The following CYB5R3 variants were observed in gnomAD, a reference collection of about 807,000 sequenced individuals.
CYB5R3 encodes the protein cytochrome b5 reductase 3, also known as NADH-cytochrome b5 reductase 3.
A neutral mutation model predicts 36.5 loss-of-function variants in CYB5R3; 28 were observed. The ratio of observed to expected loss-of-function variants is 0.77; its 90% CI spans 0.57 to 1.05. The LOEUF (loss-of-function observed/expected upper bound fraction) is 1.05, where lower values mean the gene tolerates loss of function less well. CYB5R3 is among the 50% of genes least tolerant of loss of function. The probability of loss-of-function intolerance (pLI) is 0.00; values close to 1 mark genes in which losing one functional copy is unlikely to be tolerated. For missense variants in CYB5R3, 474 were observed against 408.9 expected, an observed-to-expected ratio of 1.16 and a Z score of -1.37; for synonymous variants, 181 against 159.8, an observed-to-expected ratio of 1.13 and a Z score of -1.00.
intron 1 of CYB5R3, among the ~76,000 whole-genome samples, chr22:42,641,965 C>G (rs145268170): frequency 8.5e-5 from 13 of 152,182 alleles, no homozygotes; most frequent in Non-Finnish European, 1.3e-4. Context: ...CCCTAACCCC[C>G]ATACCATTCA....
chr22:42,648,783 GCA>G (rs370624034), intron 1 of CYB5R3, among the ~76,000 whole-genome samples: 1 of 151,644 alleles, frequency 6.6e-6, no homozygotes, highest in Non-Finnish European at 1.5e-5. Flanking sequence ...TAGTGACATC[GCA>G]CACACACACA....
chr22:42,639,596 C>G (rs1018605427), intron 1 of CYB5R3, among the ~76,000 whole-genome samples: 86 of 151,566 alleles, frequency 5.7e-4, no homozygotes, highest in African/African-American at 2.0e-3. Flanking sequence ...CCACTGGACT[C>G]CAGCCTGGGT....
chr22:42,624,284 CA>C (rs1465473225), intron 7 of CYB5R3, among the ~76,000 whole-genome samples: 2 of 152,184 alleles, frequency 1.3e-5, no homozygotes, highest in Non-Finnish European at 2.9e-5. Context: ...GTAACACATA[CA>C]ATAAGCAATG....
At chr22:42,641,146 C>T (rs1417517904) in intron 1 of CYB5R3, among the ~76,000 whole-genome samples, 3 of 152,136 alleles carry the variant, frequency 2.0e-5, no homozygotes, top group South Asian at 2.1e-4. Context: ...TGAGCCACCA[C>T]GCCCGGCCCC....
Position 42,630,957 on chromosome 22 carries a change from A to C in CYB5R3, c.258T>G (p.Asp86Glu), listed in dbSNP as rs1928583460. 1.2e-6 allele frequency: 2 copies of C among 1,613,850 alleles called. No homozygotes were observed. The highest frequency in any genetic ancestry group is 2.7e-5 in the African/African-American group (2 of 74,906). ...GQHIYLSARI[D>E]GNLVVRPYTP... is the part of the protein sequence containing the mutation. Reference sequence around the variant, plus strand: ...TATAGGGCCGGACGACCAGGTTTCCATCAATTCGAGCCGAGAGGTAGATGT... The same window carrying C: ...TATAGGGCCGGACGACCAGGTTTCCCTCAATTCGAGCCGAGAGGTAGATGT... The change falls in exon 4 of 9, where the codon GAT (aspartate) becomes GAG (glutamate). Residue 86 changes from aspartate (D) to glutamate (E), a missense_variant. By Grantham distance (45) the Asp-to-Glu change is conservative. Transcript: ENST00000352397.
At chr22:42,624,640 G>A (rs1432598144) in intron 7 of CYB5R3, among the ~76,000 whole-genome samples, 3 of 138,178 alleles carry the variant, frequency 2.2e-5, no homozygotes, top group African/African-American at 8.3e-5. Context: ...ACAGGCTGCT[G>A]CCCAGCGTTT....
At chr22:42,629,453 G>A (rs1259414977) in intron 4 of CYB5R3, among the ~76,000 whole-genome samples, 1 of 152,182 alleles carries the variant, frequency 6.6e-6, no homozygotes, top group Non-Finnish European at 1.5e-5. Flanking sequence ...GGCCCTTCTG[G>A]AAGCTCGGTC....
chr22:42,619,696 T>C lies in CYB5R3; in HGVS notation c.*77A>G, dbSNP rs751835875. ...CTGAACCCGGGGCCCCAGTGTGCGA[T>C]GTGGGGAGGTGACTGGGTGAGCGTG... is the stretch of plus-strand genomic sequence containing the variant. On this transcript the variant is annotated 3_prime_UTR_variant, in exon 9 of 9. Coordinates refer to ENST00000352397, the MANE Select transcript of CYB5R3 (RefSeq NM_000398.7). 247 of 1,405,460 alleles carry C rather than the reference T, an allele frequency of 1.8e-4. No homozygotes were observed. The highest frequency in any genetic ancestry group is 2.2e-4 in the Non-Finnish European group (233 of 1,042,714). The allele number at this position is 1,405,460 out of a possible 1,614,324, so 87.1% of individuals were successfully genotyped here. A position where few individuals can be genotyped will look rare whatever the true frequency, so the allele number is the denominator to read the frequency against.
rs1928384821 is a variant in CYB5R3, at chr22:42,628,028, C to CA, written c.463+123dup. The CA allele has an allele frequency of 2.9e-6, 4 of 1,367,360 alleles. No homozygotes were observed. The Admixed American group carries it at 6.7e-5, about 23-fold the overall frequency. The allele number at this position is 1,367,360 out of a possible 1,614,324, so 84.7% of individuals were successfully genotyped here. On this transcript the variant is annotated intron_variant, in intron 5 of 8. Transcript: ENST00000352397. ...GGGAGACTCAGTTCCCAGAGAGGGA[C>CA]AGCTGGCCTGACGAGAGTCACCCAT...
At chr22:42,625,338 C>A (rs577865416) in intron 7 of CYB5R3, among the ~76,000 whole-genome samples, 64 of 152,144 alleles carry the variant, frequency 4.2e-4, no homozygotes, top group African/African-American at 1.5e-3. Flanking sequence ...GAAACCCCGT[C>A]TCTACTAAAA....
chr22:42,641,662 C>T (rs1159350732), intron 1 of CYB5R3, among the ~76,000 whole-genome samples: 1 of 152,008 alleles, frequency 6.6e-6, no homozygotes, highest in East Asian at 1.9e-4. Flanking sequence ...ATTTTTGTAT[C>T]ATTAGTAGAG....
chr22:42,639,577 G>A lies in CYB5R3; in HGVS notation c.22-2731C>T, dbSNP rs183513277. ...CAGGAGGCAGAGGTTGCAGTGAGCC[G>A]AGATCATGCCACTGGACTCCAGCCT... On this transcript the variant is annotated intron_variant, in intron 1 of 8. Transcript: ENST00000352397. Among the ~76,000 whole-genome samples, 83 of 151,706 alleles carry A rather than the reference G, an allele frequency of 5.5e-4. 1 individual carries two copies. The highest frequency in any genetic ancestry group is 1.7e-3 in the African/African-American group (70 of 41,372).
rs774242947 is a variant in CYB5R3, at chr22:42,631,422, C to T, written c.182G>A (p.Arg61His). 1.9e-5 allele frequency: 30 copies of T among 1,551,606 alleles called. No homozygotes were observed. Among genetic ancestry groups the T allele is most frequent in the African/African-American group, 4.1e-5 (3 of 73,168 alleles). Residue 61 changes from arginine (R) to histidine (H), a missense_variant, in exon 3 of 9, where the codon CGC becomes CAC. Arg to His is a conservative substitution (Grantham distance 29). Coordinates refer to ENST00000352397, the MANE Select transcript of CYB5R3 (RefSeq NM_000398.7). ...EIISHDTRRF[R>H]FALPSPQHIL... is the part of the protein sequence containing the mutation. ...GTGCTGGGGTGACGGCAGGGCAAAGCGGAAGCGCCGGGTGTCATGGCTGAT... is the reference window on the plus strand; with the variant it reads ...GTGCTGGGGTGACGGCAGGGCAAAGTGGAAGCGCCGGGTGTCATGGCTGAT...
chr22:42,627,517 C>CCA (rs1423182561), intron 6 of CYB5R3, 88 bp downstream of exon 6: 2 of 1,475,340 alleles, frequency 1.4e-6, no homozygotes, highest in Non-Finnish European at 1.9e-6. Context: ...CTGGTAGCTC[C>CCA]CAGGCACTCA....
At position 42,649,340 on chromosome 22, in the gene CYB5R3, TGTCGCCGCC is replaced by T; in HGVS notation, c.-34_-26del. 1.0e-6 allele frequency: 1 copy of T among 983,074 alleles called. No homozygotes were observed. Among genetic ancestry groups the T allele is most frequent in the South Asian group, 3.6e-5 (1 of 27,728 alleles). 60.9% of individuals were successfully genotyped at this position (983,074 alleles called of 1,614,324 possible). On this transcript the variant is annotated 5_prime_UTR_variant, in exon 1 of 9. Transcript: ENST00000352397. ...TGGTGGCCCCGCGCCGCGCTCGCTC[TGTCGCCGCC>T]GCCGCCGCCGCCGAGACCGTCGCGC...
intron 8 of CYB5R3, among the ~76,000 whole-genome samples, chr22:42,620,683 CT>C (rs1237852917): frequency 6.6e-6 from 1 of 152,298 alleles, no homozygotes. Flanking sequence ...ACAGCATACA[CT>C]CCACGCTGTG....
At position 42,623,972 on chromosome 22, in the gene CYB5R3, C is replaced by T. The variant is rs747136251; in HGVS notation, c.634-84G>A. The T allele has an allele frequency of 1.7e-3, 2,034 of 1,227,850 alleles. 8 individuals carry two copies. Among genetic ancestry groups the T allele is most frequent in the Non-Finnish European group, 1.6e-3 (1,370 of 844,062 alleles). 76.1% of individuals were successfully genotyped at this position (1,227,850 alleles called of 1,614,324 possible). On this transcript the variant is annotated intron_variant, in intron 7 of 8. Transcript: ENST00000352397. ...ACTCAACAGAGACGCGCCTCGTCAT[C>T]GCGCCCGCCTGCGGGCCACACGCTT... is the stretch of plus-strand genomic sequence containing the variant.
rs945710023 is a variant in CYB5R3, at chr22:42,636,656, G to A, written c.153+59C>T. The A allele has an allele frequency of 5.0e-6, 8 of 1,595,354 alleles. No homozygotes were observed. In the African/African-American group the frequency reaches 5.3e-5, roughly 11 times the overall value. ...AGAGCAGGACCATGCCCTGAGCACA[G>A]AGTAGGTGCTGGGCAATGCTGTGAT... On this transcript the variant is annotated intron_variant, in intron 2 of 8. Coordinates refer to ENST00000352397, the MANE Select transcript of CYB5R3 (RefSeq NM_000398.7).
chr22:42,644,565 A>C, intron 1 of CYB5R3: 1 of 1,528,498 alleles, frequency 6.5e-7, no homozygotes, highest in South Asian at 1.2e-5. Context: ...TCCCTAGCTA[A>C]CCAGGCCCTT....
Sources: gnomAD v4.1 joint callset for allele counts (sites outside exome capture counted in the v4.1 genomes callset) on GRCh38, gnomAD v4.1.1 for gene constraint, MANE v1.5 for transcripts, NCBI Gene and HGNC (gene_info 2026-07-23, HGNC 2026-07-21) for gene names.